Variants in RAPGEF6 observed in about 807,000 individuals in gnomAD.
RAPGEF6 encodes the protein PDZ domain containing guanine nucleotide exchange factor (GEF) 2.
Under a neutral mutation model 171.4 loss-of-function variants are expected in RAPGEF6, and 56 were observed. The ratio of observed to expected loss-of-function variants is 0.33; its 90% CI spans 0.26 to 0.41. The LOEUF is 0.41. RAPGEF6 is among the 10% of genes least tolerant of loss of function. The probability of loss-of-function intolerance (pLI) is 1.00; values close to 1 mark genes in which losing one functional copy is unlikely to be tolerated. For missense variants in RAPGEF6, 1,674 were observed against 1,921.4 expected (o/e 0.87, Z 2.41); for synonymous variants, 692 against 650.1 (o/e 1.06, Z -0.98).
At chr5:131,624,152 T>G (rs1765764361) in intron 1 of RAPGEF6, among the ~76,000 whole-genome samples, 1 of 152,248 alleles carries the variant, frequency 6.6e-6, no homozygotes, top group Non-Finnish European at 1.5e-5. Context: ...GATACTTTGC[T>G]AATTATTTCA....
At chr5:131,514,158 A>T (rs973983896) in intron 7 of RAPGEF6, among the ~76,000 whole-genome samples, 1 of 152,256 alleles carries the variant, frequency 6.6e-6, no homozygotes, top group Non-Finnish European at 1.5e-5. Flanking sequence ...AAGAGTATAC[A>T]TGAGCATAAG....
chr5:131,609,522 C>T (rs746274082), intron 1 of RAPGEF6, among the ~76,000 whole-genome samples: 1 of 152,154 alleles, frequency 6.6e-6, no homozygotes, highest in Non-Finnish European at 1.5e-5. Flanking sequence ...TATCCCAGAA[C>T]TGGCACAATT....
chr5:131,431,051 T>C lies in RAPGEF6; in HGVS notation c.4273A>G (p.Lys1425Glu). Reference protein sequence around the residue: ...KSCSRTCGQCKGSLERKSWTS... With the variant: ...KSCSRTCGQCEGSLERKSWTS... ...CAACTCTTTCTCTCTAGGCTTCCTTTACACTGCCCACAAGTTCTAGAGCAG... is the reference window on the plus strand; with the variant it reads ...CAACTCTTTCTCTCTAGGCTTCCTTCACACTGCCCACAAGTTCTAGAGCAG... The change falls in exon 26 of 28, where the codon AAA becomes GAA. Residue 1425 changes from lysine (K) to glutamate (E), a missense_variant. Lys to Glu is a moderately conservative substitution (Grantham distance 56). Transcript: ENST00000509018. 6.2e-7 allele frequency: 1 copy of C among 1,614,200 alleles called. No homozygotes were observed. Among genetic ancestry groups the C allele is most frequent in the Non-Finnish European group, 8.5e-7 (1 of 1,180,018 alleles).
chr5:131,611,191 ACT>A (rs1032820666), intron 1 of RAPGEF6, among the ~76,000 whole-genome samples: 1 of 151,824 alleles, frequency 6.6e-6, no homozygotes, highest in African/African-American at 2.4e-5. Flanking sequence ...TGCTCTACCA[ACT>A]CTCTCCATTT....
At chr5:131,524,673 C>T (rs547594980) in intron 6 of RAPGEF6, among the ~76,000 whole-genome samples, 4 of 150,982 alleles carry the variant, frequency 2.6e-5, no homozygotes, top group Admixed American at 6.6e-5. Flanking sequence ...TGGAGTGCAG[C>T]GGCGCAATCT....
intron 18 of RAPGEF6, 92 bp from the exon 19 acceptor site, chr5:131,462,180 CTGTTAAT>C: frequency 2.8e-6 from 3 of 1,061,618 alleles, no homozygotes; most frequent in Non-Finnish European, 3.7e-6. Flanking sequence ...TATCATTTTA[CTGTTAAT>C]AACTTTTAGC....
intron 15 of RAPGEF6, among the ~76,000 whole-genome samples, chr5:131,483,281 G>A (rs902606664): frequency 1.7e-4 from 25 of 150,018 alleles, no homozygotes; most frequent in Admixed American, 1.3e-3. Context: ...CCTGGGAGGC[G>A]GAGGTTGCAG....
In RAPGEF6 at chr5:131,635,075, C is replaced by G. The variant is rs1370434564; in HGVS notation, c.-45G>C. The G allele has an allele frequency of 6.4e-7, 1 of 1,559,486 alleles. No individual in the cohort carries two copies. Among genetic ancestry groups the G allele is most frequent in the African/African-American group, 1.4e-5 (1 of 73,700 alleles). On this transcript the variant is annotated 5_prime_UTR_variant, in exon 1 of 28. Transcript: ENST00000509018. ...CGCAGCCTGCCCTTAGCAGCCCACG[C>G]CACAGTTCATTCACACTAGGTAGCG...
At chr5:131,533,973 C>T (rs944745110) in intron 6 of RAPGEF6, among the ~76,000 whole-genome samples, 2 of 152,118 alleles carry the variant, frequency 1.3e-5, no homozygotes, top group African/African-American at 2.4e-5. Flanking sequence ...GCTTCTGCTA[C>T]AAGGCATTAG....
intron 20 of RAPGEF6, among the ~76,000 whole-genome samples, chr5:131,454,219 A>C (rs1337964102): frequency 1.3e-5 from 2 of 152,220 alleles, no homozygotes; most frequent in Non-Finnish European, 2.9e-5. Context: ...CTGAATGTAG[A>C]CTGGGATAAA....
At chr5:131,507,628 G>A (rs186907448) in intron 9 of RAPGEF6, among the ~76,000 whole-genome samples, 4 of 152,200 alleles carry the variant, frequency 2.6e-5, no homozygotes, top group Admixed American at 2.6e-4. Flanking sequence ...TCCCTAGGAT[G>A]CACTGGTACC....
chr5:131,457,351 A>G (rs1371392844), intron 19 of RAPGEF6, among the ~76,000 whole-genome samples: 1 of 152,254 alleles, frequency 6.6e-6, no homozygotes, highest in East Asian at 1.9e-4. Flanking sequence ...GATTACAGGC[A>G]TGAGCCACCA....
Position 131,606,033 on chromosome 5 carries a change from AAAAAAAAAAAAAAAAAAAAAG to A in RAPGEF6, c.70-1361_70-1341del, listed in dbSNP as rs1764545841. On this transcript the variant is annotated intron_variant, in intron 1 of 27. Transcript: ENST00000509018. ...TGACAGAGTGAGACTCCATCTCAAA[AAAAAAAAAAAAAAAAAAAAAG>A]AAAAAGAAAAGAAAAGAAAAGCATC... 2.4e-5 allele frequency among the ~76,000 whole-genome samples: 3 copies of A among 125,312 alleles called. No individual in the cohort carries two copies. The South Asian group carries it at 6.7e-4, about 28-fold the overall frequency. The allele number at this position is 125,312 out of a possible 152,430, so 82.2% of individuals were successfully genotyped here. A position where few individuals can be genotyped will look rare whatever the true frequency, so the allele number is the denominator to read the frequency against.
intron 11 of RAPGEF6, among the ~76,000 whole-genome samples, chr5:131,500,310 A>G (rs919272493): frequency 3.9e-5 from 6 of 152,194 alleles, no homozygotes; most frequent in African/African-American, 1.4e-4. Flanking sequence ...CTATCCTCCA[A>G]AACATTCTAA....
At chr5:131,596,671 G>A (rs1763923453) in intron 3 of RAPGEF6, among the ~76,000 whole-genome samples, 1 of 151,984 alleles carries the variant, frequency 6.6e-6, no homozygotes, top group Admixed American at 6.5e-5. Context: ...AAGACACTTA[G>A]AAAATGTATA....
Position 131,431,147 on chromosome 5 carries a change from G to T in RAPGEF6, c.4177C>A (p.His1393Asn). Residue 1393 changes from histidine to asparagine, a missense_variant, in exon 26 of 28, where the codon CAT (histidine) becomes AAT (asparagine). Around this residue, in one of 3 missense-constraint regions of RAPGEF6, gnomAD observed 552 missense variants for 574.2 expected, o/e 0.96. Transcript: ENST00000509018. ...KSWDFLNSYR[H>N]THLDDPIAEV... is the part of the protein sequence containing the mutation. The stretch of plus-strand genomic sequence containing the variant: ...GCAATGGGGTCATCCAAATGGGTAT[G>T]TCTGTAAGAGTTCAAAAAATCCCAG... 1 of 1,614,228 alleles carries T rather than the reference G, an allele frequency of 6.2e-7. No homozygotes were observed. Among genetic ancestry groups the T allele is most frequent in the Non-Finnish European group, 8.5e-7 (1 of 1,180,042 alleles).
intron 13 of RAPGEF6, among the ~76,000 whole-genome samples, chr5:131,495,165 C>T (rs1292723784): frequency 1.3e-5 from 2 of 151,772 alleles, no homozygotes; most frequent in Non-Finnish European, 2.9e-5. Context: ...TGGTGGTGCG[C>T]GTCTGAAGTC....
At chr5:131,633,498 C>T (rs1580711290) in intron 1 of RAPGEF6, among the ~76,000 whole-genome samples, 1 of 152,036 alleles carries the variant, frequency 6.6e-6, no homozygotes, top group Non-Finnish European at 1.5e-5. Flanking sequence ...GGGAGGCCAA[C>T]GCGGGCAGAT....
intron 22 of RAPGEF6, among the ~76,000 whole-genome samples, chr5:131,444,303 G>A (rs1752556228): frequency 6.6e-6 from 1 of 152,080 alleles, no homozygotes; most frequent in Non-Finnish European, 1.5e-5. Context: ...AATCCAAGAG[G>A]TTATCATCTT....
Sources: gnomAD v4.1 joint callset for allele counts (sites outside exome capture counted in the v4.1 genomes callset) on GRCh38, gnomAD v4.1.1 for gene constraint, gnomAD v4.1.1 regional missense constraint, MANE v1.5 for transcripts, NCBI Gene and HGNC (gene_info 2026-07-23, HGNC 2026-07-21) for gene names.